PDSS2: variants seen among roughly 807,000 people sequenced by gnomAD.
PDSS2 encodes the protein all trans-polyprenyl-diphosphate synthase PDSS2.
Under a neutral mutation model 44.5 loss-of-function variants are expected in PDSS2, and 31 were observed. The ratio of observed to expected loss-of-function variants is 0.70; its 90% CI spans 0.52 to 0.94. The LOEUF (loss-of-function observed/expected upper bound fraction) is 0.94, where lower values mean the gene tolerates loss of function less well. Among genes scored for constraint, PDSS2 ranks in the 40% least tolerant of loss-of-function variants. PDSS2 has a pLI of 0.00. For synonymous variants in PDSS2, 157 were observed against 180.3 expected, an observed-to-expected ratio of 0.87 and a Z score of 1.03; for missense variants, 452 against 482.2, an observed-to-expected ratio of 0.94 and a Z score of 0.59.
chr6:107,445,804 C>T (rs891174124), intron 1 of PDSS2, among the ~76,000 whole-genome samples: 5 of 152,178 alleles, frequency 3.3e-5, no homozygotes, highest in African/African-American at 9.7e-5. Context: ...AAACTCCTTA[C>T]TTCATTGCTT....
At chr6:107,255,198 ATTTT>A (rs771098042) in intron 3 of PDSS2, among the ~76,000 whole-genome samples, 1 of 126,348 alleles carries the variant, frequency 7.9e-6, no homozygotes. Flanking sequence ...ATTGCATTCT[ATTTT>A]TTTTTTTTTT....
chr6:107,249,131 G>A (rs1437100388), intron 3 of PDSS2, among the ~76,000 whole-genome samples: 1 of 152,136 alleles, frequency 6.6e-6, no homozygotes, highest in Non-Finnish European at 1.5e-5. Context: ...ACAAATAATG[G>A]TACTAAGTTG....
At chr6:107,321,338 T>G (rs1266270560) in intron 2 of PDSS2, among the ~76,000 whole-genome samples, 4 of 152,050 alleles carry the variant, frequency 2.6e-5, no homozygotes, top group African/African-American at 4.8e-5. Context: ...AGGTGATAGG[T>G]TGGAAGATGA....
intron 1 of PDSS2, among the ~76,000 whole-genome samples, chr6:107,406,881 G>A (rs1002670647): frequency 2.6e-5 from 4 of 152,218 alleles, no homozygotes; most frequent in Admixed American, 2.0e-4. Context: ...GAATTGCTTT[G>A]GGTTCACAGA....
chr6:107,350,559 C>T (rs543348632), intron 1 of PDSS2, among the ~76,000 whole-genome samples: 1 of 152,234 alleles, frequency 6.6e-6, no homozygotes, highest in South Asian at 2.1e-4. Flanking sequence ...TTACTATAAT[C>T]TCAGCACTTT....
chr6:107,419,067 T>C (rs1023099112), intron 1 of PDSS2, among the ~76,000 whole-genome samples: 5 of 152,058 alleles, frequency 3.3e-5, no homozygotes, highest in South Asian at 2.1e-4. Flanking sequence ...ACAAATGTCA[T>C]GCCTTCTCCT....
At chr6:107,453,469 AC>A (rs1781940178) in intron 1 of PDSS2, among the ~76,000 whole-genome samples, 1 of 151,920 alleles carries the variant, frequency 6.6e-6, no homozygotes, top group South Asian at 2.1e-4. Flanking sequence ...AAAAAAAAAA[AC>A]TATCCTCCCT....
chr6:107,336,115 C>T (rs1777883091), intron 1 of PDSS2, among the ~76,000 whole-genome samples: 1 of 151,682 alleles, frequency 6.6e-6, no homozygotes, highest in Non-Finnish European at 1.5e-5. Context: ...ATTACCCAGG[C>T]GTGGTGGCAG....
chr6:107,318,907 G>A (rs1777289559), intron 2 of PDSS2, among the ~76,000 whole-genome samples: 1 of 152,046 alleles, frequency 6.6e-6, no homozygotes, highest in South Asian at 2.1e-4. Flanking sequence ...AGAATCACTT[G>A]AACCCAGGAG....
intron 3 of PDSS2, among the ~76,000 whole-genome samples, chr6:107,262,509 C>T (rs1265739841): frequency 6.6e-6 from 1 of 152,036 alleles, no homozygotes; most frequent in Non-Finnish European, 1.5e-5. Context: ...AGGTGGCTCA[C>T]ACCTGTAATC....
intron 7 of PDSS2, among the ~76,000 whole-genome samples, chr6:107,165,790 T>C (rs1771322377): frequency 1.3e-5 from 2 of 152,036 alleles, no homozygotes; most frequent in Non-Finnish European, 2.9e-5. Flanking sequence ...ATTCTTCCTA[T>C]CCATGAGCAT....
intron 1 of PDSS2, among the ~76,000 whole-genome samples, chr6:107,437,525 CAAAAAAAAAAA>C (rs60133518): frequency 1.7e-3 from 213 of 126,672 alleles, no homozygotes; most frequent in Middle Eastern, 4.0e-3. Context: ...ACCCTGTCTC[CAAAAAAAAAAA>C]AAAAAAAAAA....
intron 1 of PDSS2, among the ~76,000 whole-genome samples, chr6:107,386,531 T>G (rs1237656771): frequency 6.6e-6 from 1 of 152,212 alleles, no homozygotes. Context: ...GGATAAAATC[T>G]AATCTGACCA....
Position 107,212,152 on chromosome 6 carries a change from T to C in PDSS2, c.833A>G (p.Asn278Ser), listed in dbSNP as rs756929322. The change falls in exon 5 of 8, where the codon AAT (asparagine) becomes AGT (serine). Residue 278 changes from asparagine to serine, a missense_variant. By Grantham distance (46) the Asn-to-Ser change is conservative. Coordinates refer to ENST00000369037, the MANE Select transcript of PDSS2 (RefSeq NM_020381.4). ...GTGCTTCCCATACTGAAATGCCATA[T>C]TCTGAACCTCAGCATCATGCTTTGC... is the stretch of plus-strand genomic sequence containing the variant. ...ELAKHDAEVQ[N>S]MAFQYGKHMA... is the part of the protein sequence containing the mutation. 3.7e-6 allele frequency: 6 copies of C among 1,614,170 alleles called. No homozygotes were observed. The South Asian group carries it at 5.5e-5, about 15-fold the overall frequency.
At chr6:107,283,861 C>T (rs1776052482) in intron 2 of PDSS2, among the ~76,000 whole-genome samples, 1 of 151,444 alleles carries the variant, frequency 6.6e-6, no homozygotes, top group Non-Finnish European at 1.5e-5. Flanking sequence ...GGAGAAACTC[C>T]ATCTCTACTA....
At chr6:107,332,120 T>G (rs914689709) in intron 2 of PDSS2, among the ~76,000 whole-genome samples, 2 of 151,992 alleles carry the variant, frequency 1.3e-5, no homozygotes. Flanking sequence ...TTTTTTTTTT[T>G]TTGAGACAGG....
chr6:107,202,542 T>C (rs763065262), intron 6 of PDSS2, among the ~76,000 whole-genome samples: 14 of 152,192 alleles, frequency 9.2e-5, no homozygotes, highest in Non-Finnish European at 1.5e-4. Flanking sequence ...GGCCTTGTGT[T>C]GCTCGGCTTT....
intron 3 of PDSS2, among the ~76,000 whole-genome samples, chr6:107,264,867 A>G (rs1003574831): frequency 6.6e-6 from 1 of 152,200 alleles, no homozygotes; most frequent in African/African-American, 2.4e-5. Context: ...TGGACACAAT[A>G]TAGAGCAACT....
At chr6:107,355,836 AG>A (rs1226944536) in intron 1 of PDSS2, among the ~76,000 whole-genome samples, 1 of 152,248 alleles carries the variant, frequency 6.6e-6, no homozygotes, top group African/African-American at 2.4e-5. Context: ...CAATTTAGGC[AG>A]GATTTCTGGG....
Sources: gnomAD v4.1 joint callset for allele counts (sites outside exome capture counted in the v4.1 genomes callset) on GRCh38, gnomAD v4.1.1 for gene constraint, MANE v1.5 for transcripts, NCBI Gene and HGNC (gene_info 2026-07-23, HGNC 2026-07-21) for gene names.